CDH18: variants seen among roughly 807,000 people sequenced by gnomAD.
CDH18 encodes cadherin 18, also known as cadherin-18.
In CDH18, 31 loss-of-function variants were observed where a neutral mutation model predicts 67.9. The ratio of observed to expected loss-of-function variants is 0.46; its 90% CI spans 0.34 to 0.62. CDH18 has a LOEUF of 0.62. Ranked by LOEUF, CDH18 falls within the 20% of genes least tolerant of loss-of-function variation. The pLI, the probability that CDH18 is intolerant of heterozygous loss-of-function variation, is 0.01. For missense variants in CDH18, 890 were observed against 975.5 expected (o/e 0.91, Z 1.17); for synonymous variants, 362 against 347.2 (o/e 1.04, Z -0.48).
chr5:19,493,798 C>T (rs543328000), intron 11 of CDH18, among the ~76,000 whole-genome samples: 135 of 152,144 alleles, frequency 8.9e-4, no homozygotes, highest in Non-Finnish European at 1.1e-3. Context: ...AATGTTTATT[C>T]TTATTTCATC....
At chr5:20,056,080 C>G (rs187333257) in intron 2 of CDH18, among the ~76,000 whole-genome samples, 1 of 137,614 alleles carries the variant, frequency 7.3e-6, no homozygotes, top group South Asian at 2.4e-4. Context: ...TCTTGGCTCA[C>G]TATAACCTCT....
intron 5 of CDH18, among the ~76,000 whole-genome samples, chr5:19,708,734 T>C (rs1327734597): frequency 3.9e-5 from 6 of 152,180 alleles, no homozygotes; most frequent in African/African-American, 1.2e-4. Flanking sequence ...TCCCTTTGTT[T>C]CCCATTTTAG....
In CDH18 at chr5:20,460,435, AT is replaced by A. The variant is rs1330146392; in HGVS notation, c.-580+115026del. ...AATAAATAAATAAATAAATAAATAA[AT>A]AAATAAAATATGTTGCGTGACTGAG... is the stretch of plus-strand genomic sequence containing the variant. On this transcript the variant is annotated intron_variant, in intron 1 of 14. Coordinates refer to the CDH18 transcript ENST00000507958. 8.2e-4 allele frequency among the ~76,000 whole-genome samples: 118 copies of A among 144,708 alleles called. 1 individual carries two copies. The highest frequency in any genetic ancestry group is 2.8e-3 in the African/African-American group (101 of 35,922). 94.9% of individuals were successfully genotyped at this position (144,708 alleles called of 152,430 possible). A position where few individuals can be genotyped will look rare whatever the true frequency, so the allele number is the denominator to read the frequency against.
At chr5:20,419,868 G>T (rs1281147740) in intron 1 of CDH18, among the ~76,000 whole-genome samples, 1 of 150,494 alleles carries the variant, frequency 6.6e-6, no homozygotes. Context: ...CCACTTTCAT[G>T]ATTTATGTTT....
intron 2 of CDH18, among the ~76,000 whole-genome samples, chr5:20,181,029 G>C (rs1737648202): frequency 1.3e-5 from 2 of 152,054 alleles, no homozygotes; most frequent in South Asian, 4.1e-4. Context: ...TTTGACGACA[G>C]ATATCTAAGA....
At chr5:20,157,787 C>A (rs775874160) in intron 2 of CDH18, among the ~76,000 whole-genome samples, 2 of 151,634 alleles carry the variant, frequency 1.3e-5, no homozygotes, top group African/African-American at 4.8e-5. Flanking sequence ...GACTACAGGC[C>A]CACACCACCA....
chr5:20,208,766 T>A (rs751844934), intron 2 of CDH18, among the ~76,000 whole-genome samples: 1 of 151,772 alleles, frequency 6.6e-6, no homozygotes, highest in African/African-American at 2.4e-5. Context: ...AAAGAATTAA[T>A]CAAGAATGTG....
chr5:19,951,248 C>A (rs919442616), intron 2 of CDH18, among the ~76,000 whole-genome samples: 2 of 152,088 alleles, frequency 1.3e-5, no homozygotes, highest in African/African-American at 4.8e-5. Context: ...CACTTAAATT[C>A]TCTACAGATA....
At chr5:19,941,124 A>C (rs1794770573) in intron 2 of CDH18, among the ~76,000 whole-genome samples, 1 of 152,032 alleles carries the variant, frequency 6.6e-6, no homozygotes, top group Non-Finnish European at 1.5e-5. Flanking sequence ...ATGAGGGTGG[A>C]GTCCTCATCA....
At chr5:19,645,704 A>C (rs565733588) in intron 5 of CDH18, among the ~76,000 whole-genome samples, 1 of 152,304 alleles carries the variant, frequency 6.6e-6, no homozygotes, top group South Asian at 2.1e-4. Context: ...GGCAGAAAGG[A>C]AACACAAGAA....
intron 1 of CDH18, among the ~76,000 whole-genome samples, chr5:20,544,550 C>T (rs1471045938): frequency 6.6e-6 from 1 of 150,824 alleles, no homozygotes; most frequent in African/African-American, 2.5e-5. Flanking sequence ...GGAAGCAAGG[C>T]ACATCTTACA....
chr5:19,906,889 C>A (rs1579529895), intron 2 of CDH18, among the ~76,000 whole-genome samples: 2 of 152,104 alleles, frequency 1.3e-5, no homozygotes. Flanking sequence ...TCTCTCTAAG[C>A]TGTTGTATAT....
At chr5:19,669,255 AAAATATTATATTATATATTATTCTATT>A (rs201070694) in intron 5 of CDH18, among the ~76,000 whole-genome samples, 6,068 of 146,828 alleles carry the variant, frequency 0.041, 373 homozygotes, top group African/African-American at 0.13. Context: ...TATTATATAT[AAAATATTATATTATATATTATTCTATT>A]AAATATTATA....
At chr5:20,321,384 G>C (rs920375883) in intron 1 of CDH18, among the ~76,000 whole-genome samples, 1 of 152,038 alleles carries the variant, frequency 6.6e-6, no homozygotes, top group Admixed American at 6.6e-5. Flanking sequence ...TAACATATGA[G>C]AATTAGTATC....
chr5:19,783,281 T>A (rs1029420625), intron 3 of CDH18, among the ~76,000 whole-genome samples: 1 of 152,116 alleles, frequency 6.6e-6, no homozygotes. Context: ...CAAATATTAA[T>A]AAGGTACAAT....
At chr5:19,996,006 T>C (rs180929654) in intron 2 of CDH18, among the ~76,000 whole-genome samples, 2 of 152,206 alleles carry the variant, frequency 1.3e-5, no homozygotes, top group East Asian at 1.9e-4. Context: ...ACAGTACCAG[T>C]AAAGAGGCAA....
chr5:20,224,019 C>G (rs1741423990), intron 2 of CDH18, among the ~76,000 whole-genome samples: 2 of 152,048 alleles, frequency 1.3e-5, no homozygotes, highest in Admixed American at 1.3e-4. Flanking sequence ...AATTGCTTCT[C>G]TTTTTATATT....
At chr5:19,503,301 A>G (rs954240665) in intron 10 of CDH18, among the ~76,000 whole-genome samples, 192 bp from the exon 11 acceptor site, 2 of 152,182 alleles carry the variant, frequency 1.3e-5, no homozygotes, top group African/African-American at 4.8e-5. Context: ...GGAAAAACAC[A>G]GTATATAATT....
chr5:20,266,884 A>T (rs1745083126), intron 1 of CDH18, among the ~76,000 whole-genome samples: 1 of 152,128 alleles, frequency 6.6e-6, no homozygotes, highest in Non-Finnish European at 1.5e-5. Flanking sequence ...GACTAAAAAA[A>T]TTGCAGAACA....
Sources: allele counts gnomAD v4.1 joint callset (sites outside exome capture counted in the v4.1 genomes callset), GRCh38; gene constraint gnomAD v4.1.1; transcripts MANE v1.5; gene names NCBI Gene and HGNC (gene_info 2026-07-23, HGNC 2026-07-21).